The following CD101 variants were observed in gnomAD, a reference collection of about 807,000 sequenced individuals.
CD101 encodes the protein CD101 molecule.
Under a neutral mutation model 98.2 loss-of-function variants are expected in CD101, and 76 were observed. The observed-to-expected ratio is 0.77, with a 90% CI of 0.64 to 0.94. CD101 has a LOEUF of 0.94. Ranked by LOEUF, CD101 falls within the 40% of genes least tolerant of loss-of-function variation. The pLI is 0.00. For missense variants in CD101, 1,145 were observed against 1,218.8 expected, an observed-to-expected ratio of 0.94 and a Z score of 0.90; for synonymous variants, 471 against 472.7, an observed-to-expected ratio of 1.00 and a Z score of 0.05.
intron 7 of CD101, 140 bp from the exon 8 acceptor site, chr1:117,025,369 T>G: frequency 1.4e-6 from 1 of 701,736 alleles, no homozygotes; most frequent in Non-Finnish European, 2.1e-6. Context: ...TCTCAAAAAA[T>G]AAAAATAATA....
At position 117,007,063 on chromosome 1, in the gene CD101, G is replaced by A. The variant is rs1240099945; in HGVS notation, c.44-2787G>A. On this transcript the variant is annotated intron_variant, in intron 1 of 9. Coordinates refer to ENST00000682167, the MANE Select transcript of CD101 (RefSeq NM_001256106.3). Reference sequence around the variant, plus strand: ...GTAGAAACATGCCTTGATATATGTGGGTTAGTGGTACCTCAAAAGCCACAT... The same window carrying A: ...GTAGAAACATGCCTTGATATATGTGAGTTAGTGGTACCTCAAAAGCCACAT... 2.6e-5 allele frequency among the ~76,000 whole-genome samples: 4 copies of A among 151,812 alleles called. No homozygotes were observed. The East Asian group carries it at 7.7e-4, about 29-fold the overall frequency.
chr1:117,028,676 G>T (rs1654121330), intron 8 of CD101, among the ~76,000 whole-genome samples: 1 of 152,152 alleles, frequency 6.6e-6, no homozygotes, highest in South Asian at 2.1e-4. Context: ...AGGATTTGGT[G>T]GTACCACAGA....
At position 117,013,562 on chromosome 1, in the gene CD101, G is replaced by T. The variant is rs769754970; in HGVS notation, c.998G>T (p.Gly333Val). 7 of 1,614,084 alleles carry T rather than the reference G, an allele frequency of 4.3e-6. No individual in the cohort carries two copies. The highest frequency in any genetic ancestry group is 3.3e-5 in the Admixed American group (2 of 60,004). ...GAAATTGCTCACATTGATGCTGGTGGAGTCCTGGGCCTGAAGAATGACTAC... is the reference window on the plus strand; with the variant it reads ...GAAATTGCTCACATTGATGCTGGTGTAGTCCTGGGCCTGAAGAATGACTAC... ...GTEIAHIDAGGVLGLKNDYKE... is the reference protein window; with the variant it reads ...GTEIAHIDAGVVLGLKNDYKE... Residue 333 changes from glycine (G) to valine (V), a missense_variant, in exon 4 of 10, where the codon GGA becomes GTA. By Grantham distance (109) the Gly-to-Val change is moderately radical. Transcript: ENST00000682167.
At chr1:117,003,686 AAGT>A (rs2101108926) in intron 1 of CD101, among the ~76,000 whole-genome samples, 1 of 152,286 alleles carries the variant, frequency 6.6e-6, no homozygotes, top group South Asian at 2.1e-4. Flanking sequence ...GGGGGAAGGA[AAGT>A]AGTAATCAAG....
Position 117,019,281 on chromosome 1 carries a change from T to C in CD101, c.2017+721T>C, listed in dbSNP as rs1465997666. Among the ~76,000 whole-genome samples the C allele has an allele frequency of 2.6e-5, 4 of 152,224 alleles. No homozygotes were observed. Among genetic ancestry groups the C allele is most frequent in the Non-Finnish European group, 5.9e-5 (4 of 68,034 alleles). ...AAGCCTTAGTTACCTGATCTGTAAA[T>C]TGTTAATGTGCAATTTAAATATGGT... On this transcript the variant is annotated intron_variant, in intron 6 of 9. Coordinates refer to ENST00000682167, the MANE Select transcript of CD101 (RefSeq NM_001256106.3). The surrounding 1 kb of genome is among the most constrained non-coding windows in gnomAD (Gnocchi z 4.3).
chr1:117,033,931 C>G lies in CD101; in HGVS notation c.2896C>G (p.Leu966Val), dbSNP rs143185342. 9 of 1,614,080 alleles carry G rather than the reference C, an allele frequency of 5.6e-6. No homozygotes were observed. In the African/African-American group the frequency reaches 1.2e-4, roughly 22 times the overall value. The change falls in exon 9 of 10, where the codon CTG becomes GTG. Residue 966 changes from leucine to valine, a missense_variant. Transcript: ENST00000682167. The surrounding 1 kb of genome is among the most constrained non-coding windows in gnomAD (Gnocchi z 4.8). ...TTTCCTGTTCATCTGTCCCTTCGTC[C>G]TGCTCCTCCTTCTGCTCATCTCCCT... ...LYFLFICPFV[L>V]LLLLLISLLC... is the part of the protein sequence containing the mutation.
rs1343941657 is a variant in CD101, at chr1:117,005,177, A to C, written c.43+3317A>C. On this transcript the variant is annotated intron_variant, in intron 1 of 9. Transcript: ENST00000682167. This position sits in a 1 kb window ranked among gnomAD's most constrained non-coding sequence, Gnocchi z 4.4. ...GGAAGACACAGACGTTGAGACTATA[A>C]CACAGCACCCTCCCTGTCATCCCTC... is the stretch of plus-strand genomic sequence containing the variant. Among the ~76,000 whole-genome samples, 1 of 152,036 alleles carries C rather than the reference A, an allele frequency of 6.6e-6. No homozygotes were observed. Among genetic ancestry groups the C allele is most frequent in the East Asian group, 1.9e-4 (1 of 5,174 alleles).
intron 4 of CD101, 56 bp from the exon 5 acceptor site, chr1:117,017,034 G>A: frequency 6.5e-7 from 1 of 1,540,604 alleles, no homozygotes; most frequent in Non-Finnish European, 8.8e-7. Context: ...CTGTATTTTA[G>A]AACATTTCTT....
rs1557765720 is a variant in CD101, at chr1:117,010,050, T to TAG, written c.245_246insGA (p.Tyr82Ter). 6.2e-7 allele frequency: 1 copy of TAG among 1,614,210 alleles called. No homozygotes were observed. The highest frequency in any genetic ancestry group is 8.5e-7 in the Non-Finnish European group (1 of 1,180,030). ...TAGCACCAAGGATGCTGCCTTCTCTTACGCAGTATATACGCAGCGGGTGCG... is the reference window on the plus strand; with the variant it reads ...TAGCACCAAGGATGCTGCCTTCTCTTAGACGCAGTATATACGCAGCGGGTGCG... The part of the protein sequence containing the change: ...IISTKDAAFS[Y>*]AVYTQRVRSG... Residue 82 changes from tyrosine (Y) to a stop codon, truncating the protein, a stop_gained and frameshift_variant, in exon 2 of 10, where the codon TAC becomes TAGAC. Coordinates refer to ENST00000682167, the MANE Select transcript of CD101 (RefSeq NM_001256106.3). LOFTEE classifies it high-confidence loss of function. This position sits in a 1 kb window ranked among gnomAD's most constrained non-coding sequence, Gnocchi z 5.2.
intron 8 of CD101, among the ~76,000 whole-genome samples, chr1:117,029,231 A>AAG (rs1369280395): frequency 8.3e-6 from 1 of 121,178 alleles, no homozygotes; most frequent in African/African-American, 3.7e-5. Context: ...GAAAGAAAGA[A>AAG]AGAAAGAAAG....
chr1:117,008,205 CT>C (rs1652655151), intron 1 of CD101, among the ~76,000 whole-genome samples: 1 of 152,114 alleles, frequency 6.6e-6, no homozygotes, highest in African/African-American at 2.4e-5. Flanking sequence ...TGGCTCACAC[CT>C]GTAATTCCAG....
chr1:117,029,629 G>A (rs1296204947), intron 8 of CD101, among the ~76,000 whole-genome samples: 1 of 152,220 alleles, frequency 6.6e-6, no homozygotes, highest in Non-Finnish European at 1.5e-5. Flanking sequence ...GGCACATAGG[G>A]GATGCTTAAA....
chr1:117,001,815 C>G lies in CD101; in HGVS notation c.-3C>G. The G allele has an allele frequency of 6.2e-7, 1 of 1,614,004 alleles. No homozygotes were observed. Among genetic ancestry groups the G allele is most frequent in the South Asian group, 1.1e-5 (1 of 91,082 alleles). On this transcript the variant is annotated 5_prime_UTR_variant, in exon 1 of 10. Coordinates refer to ENST00000682167, the MANE Select transcript of CD101 (RefSeq NM_001256106.3). The stretch of plus-strand genomic sequence containing the variant: ...GGGACGAAAAAGGACTGTGCTGGCC[C>G]AAATGGCAGGCATCTCATATGTGGC...
In CD101 at chr1:117,033,962, G is replaced by GCCT; in HGVS notation, c.2928_2929insCTC (p.Leu977dup). The GCCT allele has an allele frequency of 1.9e-6, 3 of 1,613,990 alleles. No homozygotes were observed. The highest frequency in any genetic ancestry group is 1.7e-6 in the Non-Finnish European group (2 of 1,180,014). The stretch of plus-strand genomic sequence containing the variant: ...CTCCTTCTGCTCATCTCCCTCCTCT[G>GCCT]CTTATACTGGAAGGCCAGGAAGTTG... On this transcript the variant is annotated inframe_insertion, in exon 9 of 10. Coordinates refer to ENST00000682167, the MANE Select transcript of CD101 (RefSeq NM_001256106.3). The surrounding 1 kb of genome is among the most constrained non-coding windows in gnomAD (Gnocchi z 4.8).
Position 117,018,677 on chromosome 1 carries a change from A to G in CD101, c.2017+117A>G, listed in dbSNP as rs1653398299. ...ACTTTCTCCCATATTTGTTCTATCT[A>G]AGTAAGCACCACATGATGAATGATA... On this transcript the variant is annotated intron_variant, in intron 6 of 9. Transcript: ENST00000682167. This position sits in a 1 kb window ranked among gnomAD's most constrained non-coding sequence, Gnocchi z 4.3. 2.1e-6 allele frequency: 2 copies of G among 966,294 alleles called. No individual in the cohort carries two copies. Among genetic ancestry groups the G allele is most frequent in the Non-Finnish European group, 3.0e-6 (2 of 668,704 alleles). 59.9% of individuals were successfully genotyped at this position (966,294 alleles called of 1,614,324 possible).
chr1:117,012,947 A>G lies in CD101; in HGVS notation c.842-459A>G, dbSNP rs1028187422. Among the ~76,000 whole-genome samples, 1 of 152,142 alleles carries G rather than the reference A, an allele frequency of 6.6e-6. No homozygotes were observed. The highest frequency in any genetic ancestry group is 1.5e-5 in the Non-Finnish European group (1 of 68,018). ...TGTTGGCCTCAAGTATCCAAGTTAT[A>G]CTCATGAGTCCTATGGAGCGATATC... On this transcript the variant is annotated intron_variant, in intron 3 of 9. Coordinates refer to ENST00000682167, the MANE Select transcript of CD101 (RefSeq NM_001256106.3). This position sits in a 1 kb window ranked among gnomAD's most constrained non-coding sequence, Gnocchi z 4.0.
At position 117,017,101 on chromosome 1, in the gene CD101, G is replaced by T; in HGVS notation, c.1240G>T (p.Val414Phe). The T allele has an allele frequency of 6.2e-7, 1 of 1,613,568 alleles. No homozygotes were observed. Among genetic ancestry groups the T allele is most frequent in the Non-Finnish European group, 8.5e-7 (1 of 1,179,630 alleles). Residue 414 changes from valine (V) to phenylalanine (F), a missense_variant, in exon 5 of 10, where the codon GTC becomes TTC. Coordinates refer to ENST00000682167, the MANE Select transcript of CD101 (RefSeq NM_001256106.3). Reference protein sequence around the residue: ...HLRKPAARSVVMSTKNKQQVV... With the variant: ...HLRKPAARSVFMSTKNKQQVV... ...TCTGTAACTCACAGCAAGAAGTGTG[G>T]TCATGTCTACCAAGAACAAGCAGCA...
intron 1 of CD101, among the ~76,000 whole-genome samples, chr1:117,003,542 C>T (rs748183873): frequency 3.3e-5 from 5 of 152,130 alleles, no homozygotes; most frequent in African/African-American, 7.2e-5. Context: ...GAGTGTGATT[C>T]TCAAGTGTAT....
rs113783669 is a variant in CD101 at position 117,018,562 on chromosome 1, T to C, written c.2017+2T>C. On this transcript the variant is annotated splice_donor_variant, in intron 6 of 9. Coordinates refer to ENST00000682167, the MANE Select transcript of CD101 (RefSeq NM_001256106.3). LOFTEE classifies it high-confidence loss of function. This position sits in a 1 kb window ranked among gnomAD's most constrained non-coding sequence, Gnocchi z 4.3. ...TGAGGATAGCCGTCACTTTACCAGG[T>C]AAGTGTGACTTGAAATTAATCCCTG... 1 of 1,564,532 alleles carries C rather than the reference T, an allele frequency of 6.4e-7. No individual in the cohort carries two copies. The highest frequency in any genetic ancestry group is 1.2e-5 in the South Asian group (1 of 84,782).
Sources: gnomAD v4.1 joint callset for allele counts (sites outside exome capture counted in the v4.1 genomes callset) on GRCh38, gnomAD v4.1.1 for gene constraint, Gnocchi (gnomAD v3.1) non-coding constraint, MANE v1.5 for transcripts, NCBI Gene and HGNC (gene_info 2026-07-23, HGNC 2026-07-21) for gene names.